The following RPS6KA5 variants were observed in gnomAD, a reference collection of about 807,000 sequenced individuals.
RPS6KA5 encodes ribosomal protein S6 kinase alpha-5.
In RPS6KA5, 27 loss-of-function variants were observed where a neutral mutation model predicts 85.5. The ratio of observed to expected loss-of-function variants is 0.32; its 90% CI spans 0.23 to 0.44. RPS6KA5 has a LOEUF of 0.44. RPS6KA5 is among the 20% of genes least tolerant of loss of function. RPS6KA5 has a pLI of 1.00. For synonymous variants in RPS6KA5, 334 were observed against 348.2 expected (o/e 0.96, Z 0.46); for missense variants, 811 against 980.9 (o/e 0.83, Z 2.31).
At chr14:90,982,477 A>G (rs977538135) in intron 2 of RPS6KA5, among the ~76,000 whole-genome samples, 51 of 152,176 alleles carry the variant, frequency 3.4e-4, no homozygotes, top group Non-Finnish European at 7.1e-4. Flanking sequence ...GAAGAAAAAA[A>G]AGATAAAACA....
intron 5 of RPS6KA5, among the ~76,000 whole-genome samples, chr14:90,939,459 T>TA (rs2037454489): frequency 6.6e-6 from 1 of 152,188 alleles, no homozygotes; most frequent in Admixed American, 6.5e-5. Context: ...TTTACTGTAT[T>TA]AGTCTGTTTT....
chr14:90,999,281 A>T (rs967228693), intron 2 of RPS6KA5, among the ~76,000 whole-genome samples: 6 of 152,216 alleles, frequency 3.9e-5, no homozygotes, highest in African/African-American at 1.4e-4. Flanking sequence ...TTGATTACAG[A>T]GGCCCCAAGA....
chr14:91,024,105 C>T (rs1196312932), intron 1 of RPS6KA5, among the ~76,000 whole-genome samples: 3 of 152,030 alleles, frequency 2.0e-5, no homozygotes, highest in Admixed American at 6.6e-5. Context: ...TTAAGTGTTC[C>T]CCTGCTTTTC....
intron 1 of RPS6KA5, among the ~76,000 whole-genome samples, chr14:91,009,963 A>G (rs955830729): frequency 2.0e-5 from 3 of 152,208 alleles, no homozygotes; most frequent in African/African-American, 7.2e-5. Context: ...AGAAGTATCA[A>G]TGCAGTCAAA....
intron 1 of RPS6KA5, among the ~76,000 whole-genome samples, chr14:91,022,618 T>C (rs988669041): frequency 1.3e-5 from 2 of 152,240 alleles, no homozygotes; most frequent in African/African-American, 4.8e-5. Flanking sequence ...AATGTTTACA[T>C]GGTTTGCATG....
In RPS6KA5 at chr14:90,866,923, G is replaced by T. The variant is rs2032824887; in HGVS notation, c.*5151C>A. ...TAGTATTTATAATTTCAGCAAATAG[G>T]ATAGCAGTATAGTACCTAAAATAAA... On this transcript the variant is annotated 3_prime_UTR_variant, in exon 17 of 17. Coordinates refer to ENST00000614987, the MANE Select transcript of RPS6KA5 (RefSeq NM_004755.4). 6.6e-6 allele frequency: 1 copy of T among 152,170 alleles called. No individual in the cohort carries two copies. The highest frequency in any genetic ancestry group is 2.1e-4 in the South Asian group (1 of 4,830). 9.4% of individuals were successfully genotyped at this position (152,170 alleles called of 1,614,324 possible). A position where few individuals can be genotyped will look rare whatever the true frequency, so the allele number is the denominator to read the frequency against.
At chr14:90,985,956 T>A (rs1948110721) in intron 2 of RPS6KA5, among the ~76,000 whole-genome samples, 1 of 152,130 alleles carries the variant, frequency 6.6e-6, no homozygotes, top group Non-Finnish European at 1.5e-5. Context: ...AGCAAAACAC[T>A]TTAAAGAAAG....
chr14:91,023,537 G>A (rs372603168), intron 1 of RPS6KA5, among the ~76,000 whole-genome samples: 7 of 151,988 alleles, frequency 4.6e-5, no homozygotes, highest in East Asian at 3.9e-4. Flanking sequence ...CACCCACCTC[G>A]GCCTCCCAAA....
intron 3 of RPS6KA5, among the ~76,000 whole-genome samples, chr14:90,953,123 C>T (rs921435924): frequency 1.3e-5 from 2 of 152,134 alleles, no homozygotes; most frequent in East Asian, 1.9e-4. Flanking sequence ...TCAGGGACCC[C>T]GAATGGAGGG....
At chr14:90,880,687 C>T (rs899904425) in intron 14 of RPS6KA5, among the ~76,000 whole-genome samples, 1 of 152,254 alleles carries the variant, frequency 6.6e-6, no homozygotes. Flanking sequence ...GTCTACTTCT[C>T]CCTTCAGTTC....
chr14:90,985,998 A>G (rs1023913894), intron 2 of RPS6KA5, among the ~76,000 whole-genome samples: 1 of 152,222 alleles, frequency 6.6e-6, no homozygotes, highest in Non-Finnish European at 1.5e-5. Flanking sequence ...TGAGTGAAAC[A>G]ACTATAAAAG....
intron 1 of RPS6KA5, among the ~76,000 whole-genome samples, chr14:91,059,779 C>G (rs2043549147): frequency 6.6e-6 from 1 of 152,230 alleles, no homozygotes; most frequent in South Asian, 2.1e-4. Context: ...CTGGAGCCGG[C>G]GATTCCTGTT....
chr14:90,886,052 C>G (rs1186437178), intron 14 of RPS6KA5, among the ~76,000 whole-genome samples: 1 of 151,732 alleles, frequency 6.6e-6, no homozygotes, highest in Non-Finnish European at 1.5e-5. Context: ...AATACTGTAG[C>G]AAGGTATAGC....
At chr14:90,877,397 A>G (rs2033549672) in intron 14 of RPS6KA5, among the ~76,000 whole-genome samples, 1 of 152,176 alleles carries the variant, frequency 6.6e-6, no homozygotes, top group South Asian at 2.1e-4. Flanking sequence ...GCCAGTCCAC[A>G]GGCTGGCAGT....
At chr14:90,989,660 A>G (rs1282818233) in intron 2 of RPS6KA5, among the ~76,000 whole-genome samples, 1 of 152,220 alleles carries the variant, frequency 6.6e-6, no homozygotes, top group Non-Finnish European at 1.5e-5. Context: ...GGAAGGCAGC[A>G]GAGAGATTAA....
At chr14:90,873,883 C>A in intron 15 of RPS6KA5, 88 bp from the exon 16 acceptor site, 1 of 1,148,210 alleles carries the variant, frequency 8.7e-7, no homozygotes, top group Non-Finnish European at 1.3e-6. Context: ...GCTATGTTCA[C>A]ATGACATAAT....
chr14:91,045,660 T>G (rs2042843473), intron 1 of RPS6KA5, among the ~76,000 whole-genome samples: 1 of 152,220 alleles, frequency 6.6e-6, no homozygotes, highest in African/African-American at 2.4e-5. Flanking sequence ...CATTTGAATT[T>G]CCACAGTAGT....
intron 1 of RPS6KA5, among the ~76,000 whole-genome samples, chr14:91,043,925 A>G (rs2042697622): frequency 6.6e-6 from 1 of 152,180 alleles, no homozygotes; most frequent in Non-Finnish European, 1.5e-5. Flanking sequence ...TGACCTTACG[A>G]TAAGAAAATT....
intron 3 of RPS6KA5, among the ~76,000 whole-genome samples, chr14:90,975,437 A>G (rs1371346869): frequency 6.6e-6 from 1 of 152,116 alleles, no homozygotes; most frequent in Non-Finnish European, 1.5e-5. Context: ...CCTAGGGTGG[A>G]CCCCAAAGCA....
Sources: gnomAD v4.1 joint callset for allele counts (sites outside exome capture counted in the v4.1 genomes callset) on GRCh38, gnomAD v4.1.1 for gene constraint, MANE v1.5 for transcripts, NCBI Gene and HGNC (gene_info 2026-07-23, HGNC 2026-07-21) for gene names.